AP1AR: variants seen among roughly 807,000 people sequenced by gnomAD.
The protein encoded by AP1AR is adaptor related protein complex 1 associated regulatory protein.
AP1AR carries 29 observed loss-of-function variants against 46.3 expected under a neutral mutation model. The observed-to-expected ratio is 0.63, with a 90% CI of 0.47 to 0.85. The LOEUF is 0.85. Among genes scored for constraint, AP1AR ranks in the 40% least tolerant of loss-of-function variants. The probability of loss-of-function intolerance (pLI) is 0.00; values close to 1 mark genes in which losing one functional copy is unlikely to be tolerated. For missense variants in AP1AR, 357 were observed against 356.3 expected (o/e 1.00, Z -0.02); for synonymous variants, 122 against 122.9 (o/e 0.99, Z 0.05).
At chr4:112,256,036 A>G (rs1029959207) in intron 3 of AP1AR, among the ~76,000 whole-genome samples, 9 of 152,148 alleles carry the variant, frequency 5.9e-5, no homozygotes, top group Middle Eastern at 3.4e-3. Flanking sequence ...CTTTTCCTTT[A>G]AAAATGTATT....
rs1373519448 is a variant in AP1AR at position 112,269,799 on chromosome 4, C to G, written c.*1390C>G. The G allele has an allele frequency of 6.6e-6, 1 of 152,300 alleles. No homozygotes were observed. Among genetic ancestry groups the G allele is most frequent in the Non-Finnish European group, 1.5e-5 (1 of 67,906 alleles). 9.4% of individuals were successfully genotyped at this position (152,300 alleles called of 1,614,324 possible). ...TGTAAATATAATACATTAGGTAATGCTATTATTTATATCTGTCTTAACATA... is the reference window on the plus strand; with the variant it reads ...TGTAAATATAATACATTAGGTAATGGTATTATTTATATCTGTCTTAACATA... On this transcript the variant is annotated 3_prime_UTR_variant, in exon 10 of 10. Coordinates refer to ENST00000274000, the MANE Select transcript of AP1AR (RefSeq NM_018569.6).
Position 112,257,810 on chromosome 4 carries a change from T to TAA in AP1AR, c.185+24_185+25dup, listed in dbSNP as rs369515291. 791 of 1,223,918 alleles carry TAA rather than the reference T, an allele frequency of 6.5e-4. No individual in the cohort carries two copies. The highest frequency in any genetic ancestry group is 2.0e-3 in the South Asian group (127 of 62,522). The allele number at this position is 1,223,918 out of a possible 1,614,324, so 75.8% of individuals were successfully genotyped here. On this transcript the variant is annotated intron_variant, in intron 4 of 9. Coordinates refer to ENST00000274000, the MANE Select transcript of AP1AR (RefSeq NM_018569.6). ...GAAGCAGTCATAGGTAAGGCTTTGT[T>TAA]AAAAAAAAAAAACAAAACTTCTATG...
Position 112,232,178 on chromosome 4 carries a change from A to G in AP1AR, c.83+4A>G, listed in dbSNP as rs767065565. ...AGCGAGTAGGCGGCGGCGGAGGGTAAGCCCGCTGGGGGAGGGGCCCGGCCC... is the reference window on the plus strand; with the variant it reads ...AGCGAGTAGGCGGCGGCGGAGGGTAGGCCCGCTGGGGGAGGGGCCCGGCCC... On this transcript the variant is annotated splice_donor_region_variant and intron_variant, in intron 1 of 9. Transcript: ENST00000274000. 2.4e-6 allele frequency: 3 copies of G among 1,273,542 alleles called. No homozygotes were observed. Among genetic ancestry groups the G allele is most frequent in the South Asian group, 2.8e-5 (1 of 35,128 alleles). The allele number at this position is 1,273,542 out of a possible 1,614,324, so 78.9% of individuals were successfully genotyped here.
At chr4:112,248,770 G>A (rs1280908199) in intron 1 of AP1AR, among the ~76,000 whole-genome samples, 2 of 152,098 alleles carry the variant, frequency 1.3e-5, no homozygotes, top group African/African-American at 4.8e-5. Context: ...TCTGACCCTG[G>A]CTATCTCTCA....
At chr4:112,235,412 G>C (rs1159007139) in intron 1 of AP1AR, among the ~76,000 whole-genome samples, 1 of 152,154 alleles carries the variant, frequency 6.6e-6, no homozygotes, top group East Asian at 1.9e-4. Flanking sequence ...TCATCAATAT[G>C]TAACATTTGT....
chr4:112,266,958 G>A, intron 9 of AP1AR: 2 of 326,664 alleles, frequency 6.1e-6, no homozygotes, highest in African/African-American at 2.2e-5. Flanking sequence ...TAAGGTTTTT[G>A]TAATCCAAGC....
rs185908160 is a variant in AP1AR at position 112,271,625 on chromosome 4, A to C, written c.*3216A>C. ...AGCCTAGTAGCTGCAAGTGCCCTTA[A>C]CTATAACTTCTTGGTTCTGATTTGA... On this transcript the variant is annotated 3_prime_UTR_variant, in exon 10 of 10. Transcript: ENST00000274000. 9.8e-5 allele frequency among the ~76,000 whole-genome samples: 15 copies of C among 152,360 alleles called. No homozygotes were observed. The highest frequency in any genetic ancestry group is 7.8e-4 in the Admixed American group (12 of 15,304).
At chr4:112,236,524 G>A (rs767147353) in intron 1 of AP1AR, among the ~76,000 whole-genome samples, 8 of 151,252 alleles carry the variant, frequency 5.3e-5, no homozygotes, top group Non-Finnish European at 1.0e-4. Context: ...CCTCAGCTCC[G>A]CAAGTAGCTG....
chr4:112,264,689 T>C (rs1227865806), intron 6 of AP1AR, among the ~76,000 whole-genome samples: 2 of 152,138 alleles, frequency 1.3e-5, no homozygotes, highest in Admixed American at 6.6e-5. Flanking sequence ...CTCCTCATTT[T>C]TCCAGTTGGT....
In AP1AR at chr4:112,268,631, G is replaced by GGTCCT; in HGVS notation, c.*226_*230dup. The GGTCCT allele has an allele frequency of 2.6e-6, 1 of 385,410 alleles. No individual in the cohort carries two copies. Among genetic ancestry groups the GGTCCT allele is most frequent in the East Asian group, 3.9e-5 (1 of 25,400 alleles). The allele number at this position is 385,410 out of a possible 1,614,324, so 23.9% of individuals were successfully genotyped here. A position where few individuals can be genotyped will look rare whatever the true frequency, so the allele number is the denominator to read the frequency against. On this transcript the variant is annotated 3_prime_UTR_variant, in exon 10 of 10. Transcript: ENST00000274000. ...TTCTGCTTTTCAAGACCAATTTAAT[G>GGTCCT]GTCCTGTCATGTTACTGATTAAATT...
At position 112,257,881 on chromosome 4, in the gene AP1AR, C is replaced by A. The variant is rs550017583; in HGVS notation, c.185+84C>A. 1.5e-4 allele frequency: 191 copies of A among 1,252,134 alleles called. 4 individuals are homozygous for A. In the South Asian group the frequency reaches 2.9e-3, roughly 19 times the overall value. The allele number at this position is 1,252,134 out of a possible 1,614,324, so 77.6% of individuals were successfully genotyped here. On this transcript the variant is annotated intron_variant, in intron 4 of 9. Coordinates refer to ENST00000274000, the MANE Select transcript of AP1AR (RefSeq NM_018569.6). ...TTAAGAAGTCAGGCTTTATCATTTG[C>A]TTGCTTTGAGACATTAAACAGTTTA...
chr4:112,248,614 C>G (rs1578409421), intron 1 of AP1AR, among the ~76,000 whole-genome samples: 1 of 152,130 alleles, frequency 6.6e-6, no homozygotes, highest in Non-Finnish European at 1.5e-5. Context: ...AATCTCTTCT[C>G]TCTGCTTTTG....
Position 112,232,005 on chromosome 4 carries a change from TCGTGC to T in AP1AR, c.-81_-77del. On this transcript the variant is annotated 5_prime_UTR_variant, in exon 1 of 10. Coordinates refer to ENST00000274000, the MANE Select transcript of AP1AR (RefSeq NM_018569.6). ...CTCGGTCCTTGAACCCCATTTCGGC[TCGTGC>T]CGTGCGGATGCAGCTGCCGGGCCTG... The T allele has an allele frequency of 8.1e-7, 1 of 1,234,188 alleles. No individual in the cohort carries two copies. Among genetic ancestry groups the T allele is most frequent in the Non-Finnish European group, 1.0e-6 (1 of 959,332 alleles). 76.5% of individuals were successfully genotyped at this position (1,234,188 alleles called of 1,614,324 possible).
At chr4:112,249,322 C>T (rs977560940) in intron 1 of AP1AR, among the ~76,000 whole-genome samples, 3 of 148,402 alleles carry the variant, frequency 2.0e-5, no homozygotes, top group African/African-American at 7.5e-5. Flanking sequence ...CTTCCTCCTC[C>T]AATCACGATC....
chr4:112,268,559 A>G lies in AP1AR; in HGVS notation c.*150A>G, dbSNP rs1726811527. 1.3e-6 allele frequency: 1 copy of G among 744,448 alleles called. No individual in the cohort carries two copies. Among genetic ancestry groups the G allele is most frequent in the South Asian group, 2.8e-5 (1 of 35,772 alleles). The allele number at this position is 744,448 out of a possible 1,614,324, so 46.1% of individuals were successfully genotyped here. A position where few individuals can be genotyped will look rare whatever the true frequency, so the allele number is the denominator to read the frequency against. On this transcript the variant is annotated 3_prime_UTR_variant, in exon 10 of 10. Transcript: ENST00000274000. The stretch of plus-strand genomic sequence containing the variant: ...ATTTTATTACAAAGGAGTAGGGATG[A>G]TAGGATCTGAATTGATACAGAATTA...
chr4:112,265,807 A>G lies in AP1AR; in HGVS notation c.514A>G (p.Arg172Gly). 1 of 1,599,930 alleles carries G rather than the reference A, an allele frequency of 6.3e-7. No individual in the cohort carries two copies. Among genetic ancestry groups the G allele is most frequent in the Non-Finnish European group, 8.5e-7 (1 of 1,169,750 alleles). ...KSQYEVFRSSRLSSDATVLTP... is the reference protein window; with the variant it reads ...KSQYEVFRSSGLSSDATVLTP... The stretch of plus-strand genomic sequence containing the variant: ...ACAGTATGAAGTTTTTCGAAGTAGT[A>G]GTAAGTTTTTTAAAGTATTTTCTGT... Residue 172 changes from arginine to glycine, a missense_variant and splice_region_variant, in exon 8 of 10, where the codon AGA becomes GGA. This residue lies in a region of AP1AR where 269 missense variants were observed against 223.6 expected (regional missense o/e 1.20). Coordinates refer to ENST00000274000, the MANE Select transcript of AP1AR (RefSeq NM_018569.6).
chr4:112,249,167 G>T (rs1042812173), intron 1 of AP1AR, among the ~76,000 whole-genome samples: 9 of 152,072 alleles, frequency 5.9e-5, no homozygotes, highest in Admixed American at 4.6e-4. Context: ...GGTGGTGCAT[G>T]CCTGTAATCC....
chr4:112,232,121 C>G lies in AP1AR; in HGVS notation c.30C>G (p.Phe10Leu), dbSNP rs576563367. Reference sequence around the variant, plus strand: ...GGAACTGCTGCTGGACGCAGTGCTTCGGACTGCTTCGCAAGGAAGCGGGGC... The same window carrying G: ...GGAACTGCTGCTGGACGCAGTGCTTGGGACTGCTTCGCAAGGAAGCGGGGC... MGNCCWTQC[F>L]GLLRKEAGRL... The change falls in exon 1 of 10, where the codon TTC (phenylalanine) becomes TTG (leucine). Residue 10 changes from phenylalanine to leucine, a missense_variant. Physicochemically the swap from Phe to Leu is conservative, Grantham distance 22. Around this residue, in one of 2 missense-constraint regions of AP1AR, gnomAD observed 269 missense variants for 223.6 expected, o/e 1.20. Coordinates refer to ENST00000274000, the MANE Select transcript of AP1AR (RefSeq NM_018569.6). 2.5e-5 allele frequency: 32 copies of G among 1,300,170 alleles called. No homozygotes were observed. Among genetic ancestry groups the G allele is most frequent in the Non-Finnish European group, 3.0e-5 (30 of 1,016,076 alleles). The allele number at this position is 1,300,170 out of a possible 1,614,324, so 80.5% of individuals were successfully genotyped here.
At chr4:112,248,737 C>G (rs375147433) in intron 1 of AP1AR, among the ~76,000 whole-genome samples, 10 of 152,256 alleles carry the variant, frequency 6.6e-5, no homozygotes, top group African/African-American at 2.4e-4. Context: ...AAAACTCTTC[C>G]CATGGTCTAT....
Sources: gnomAD v4.1 joint callset for allele counts (sites outside exome capture counted in the v4.1 genomes callset) on GRCh38, gnomAD v4.1.1 for gene constraint, gnomAD v4.1.1 regional missense constraint, MANE v1.5 for transcripts, NCBI Gene and HGNC (gene_info 2026-07-23, HGNC 2026-07-21) for gene names.